The following CHRNA4 variants were observed in gnomAD, a reference collection of about 807,000 sequenced individuals.
The protein encoded by CHRNA4 is cholinergic receptor nicotinic alpha 4 subunit.
In CHRNA4, 28 loss-of-function variants were observed where a neutral mutation model predicts 48.9. The observed-to-expected ratio is 0.57, with a 90% CI of 0.42 to 0.79. The LOEUF (loss-of-function observed/expected upper bound fraction) is 0.79, where lower values mean the gene tolerates loss of function less well. Ranked by LOEUF, CHRNA4 falls within the 30% of genes least tolerant of loss-of-function variation. The pLI, the probability that CHRNA4 is intolerant of heterozygous loss-of-function variation, is 0.00. For synonymous variants in CHRNA4, 425 were observed against 402.3 expected (o/e 1.06, Z -0.68); for missense variants, 859 against 898.4 (o/e 0.96, Z 0.56).
chr20:63,355,779 C>A, intron 4 of CHRNA4, 196 bp downstream of exon 4: 1 of 867,242 alleles, frequency 1.2e-6, no homozygotes, highest in Non-Finnish European at 1.8e-6. Flanking sequence ...GGACCCTTCC[C>A]TCCTCAACCC....
intron 4 of CHRNA4, among the ~76,000 whole-genome samples, chr20:63,351,345 C>T (rs1025453677): frequency 3.3e-5 from 5 of 152,220 alleles, no homozygotes; most frequent in African/African-American, 1.2e-4. Flanking sequence ...CTCACCTACT[C>T]GTGCACCTCA....
At chr20:63,346,976 A>G (rs1363675965) in intron 5 of CHRNA4, 113 bp from the exon 6 acceptor site, 7 of 1,514,362 alleles carry the variant, frequency 4.6e-6, no homozygotes, top group Non-Finnish European at 6.3e-6. Flanking sequence ...CTTCCACCCG[A>G]GGCAGCCATT....
chr20:63,353,453 G>A (rs1225468000), intron 4 of CHRNA4, among the ~76,000 whole-genome samples: 2 of 148,600 alleles, frequency 1.3e-5, no homozygotes, highest in South Asian at 2.2e-4. Flanking sequence ...GGTCCTAGGG[G>A]GCTGTGGTCC....
Position 63,346,510 on chromosome 20 carries a change from C to T in CHRNA4, c.*228G>A. 1.4e-6 allele frequency: 1 copy of T among 707,906 alleles called. No individual in the cohort carries two copies. The highest frequency in any genetic ancestry group is 2.5e-6 in the Non-Finnish European group (1 of 397,992). The allele number at this position is 707,906 out of a possible 1,614,324, so 43.9% of individuals were successfully genotyped here. A position where few individuals can be genotyped will look rare whatever the true frequency, so the allele number is the denominator to read the frequency against. On this transcript the variant is annotated 3_prime_UTR_variant, in exon 6 of 6. Transcript: ENST00000370263. ...CGACCCCCACCTCTGCTCCAAGCCA[C>T]TGCCTCCTGAGGCCACAGTCCAACT...
At position 63,345,405 on chromosome 20, in the gene CHRNA4, G is replaced by T; in HGVS notation, c.*1333C>A. 2.4e-6 allele frequency: 1 copy of T among 410,902 alleles called. No homozygotes were observed. The highest frequency in any genetic ancestry group is 1.7e-5 in the South Asian group (1 of 58,512). 25.5% of individuals were successfully genotyped at this position (410,902 alleles called of 1,614,324 possible). A position where few individuals can be genotyped will look rare whatever the true frequency, so the allele number is the denominator to read the frequency against. ...CTCTGGGCCCTTGGAATCATGGAGG[G>T]GTGGGGCAGCCTGTGCCCATCCCAA... On this transcript the variant is annotated 3_prime_UTR_variant, in exon 6 of 6. Coordinates refer to ENST00000370263, the MANE Select transcript of CHRNA4 (RefSeq NM_000744.7). This position sits in a 1 kb window ranked among gnomAD's most constrained non-coding sequence, Gnocchi z 5.4.
At position 63,345,824 on chromosome 20, in the gene CHRNA4, G is replaced by A. The variant is rs1029192917; in HGVS notation, c.*914C>T. The A allele has an allele frequency of 1.1e-5, 5 of 449,040 alleles. No individual in the cohort carries two copies. The highest frequency in any genetic ancestry group is 6.0e-5 in the African/African-American group (3 of 49,992). The allele number at this position is 449,040 out of a possible 1,614,324, so 27.8% of individuals were successfully genotyped here. A position where few individuals can be genotyped will look rare whatever the true frequency, so the allele number is the denominator to read the frequency against. ...GGTGGAAACCCTCAGGGTCCTGGGG[G>A]AACCAGGGCCCAGGTCTGGACTCCA... On this transcript the variant is annotated 3_prime_UTR_variant, in exon 6 of 6. Coordinates refer to ENST00000370263, the MANE Select transcript of CHRNA4 (RefSeq NM_000744.7). The surrounding 1 kb of genome is among the most constrained non-coding windows in gnomAD (Gnocchi z 5.4).
At chr20:63,358,307 C>T (rs1314129837) in intron 2 of CHRNA4, among the ~76,000 whole-genome samples, 1 of 152,216 alleles carries the variant, frequency 6.6e-6, no homozygotes. Context: ...CTCCCAAAAG[C>T]CCCTGGGGTG....
chr20:63,360,076 G>A (rs1229576802), intron 1 of CHRNA4: 2 of 323,986 alleles, frequency 6.2e-6, no homozygotes, highest in South Asian at 2.8e-5. Flanking sequence ...ACCAGGCGGC[G>A]GATGGGCCGA....
chr20:63,343,250 G>C lies in CHRNA4; in HGVS notation c.*3488C>G, dbSNP rs1299602547. ...GTGACGGTGCGTTTTATTCATTGAA[G>C]TCTGTGCACACACTGGGAGCACATT... On this transcript the variant is annotated 3_prime_UTR_variant, in exon 6 of 6. Transcript: ENST00000370263. 3 of 416,660 alleles carry C rather than the reference G, an allele frequency of 7.2e-6. No individual in the cohort carries two copies. The highest frequency in any genetic ancestry group is 6.1e-5 in the African/African-American group (3 of 48,874). 25.8% of individuals were successfully genotyped at this position (416,660 alleles called of 1,614,324 possible). A position where few individuals can be genotyped will look rare whatever the true frequency, so the allele number is the denominator to read the frequency against.
At chr20:63,359,437 C>T (rs112338002) in intron 2 of CHRNA4, 111 bp downstream of exon 2, 6 of 1,413,058 alleles carry the variant, frequency 4.2e-6, no homozygotes, top group Non-Finnish European at 4.9e-6. Context: ...GGGCCGGACA[C>T]TCACAGCCAC....
chr20:63,348,299 G>T (rs976270997), intron 5 of CHRNA4, among the ~76,000 whole-genome samples: 12 of 152,326 alleles, frequency 7.9e-5, no homozygotes, highest in African/African-American at 2.9e-4. Flanking sequence ...GGCACAGCCC[G>T]GGCACAGCTG....
intron 4 of CHRNA4, among the ~76,000 whole-genome samples, chr20:63,354,177 TGGGGGGCTGTGGTCCTG>T (rs2145397304): frequency 5.7e-5 from 4 of 70,420 alleles, no homozygotes; most frequent in African/African-American, 2.3e-4. Flanking sequence ...CCTGTGGTCC[TGGGGGGCTGTGGTCCTG>T]GGGGGGCTGT....
chr20:63,359,497 C>A, intron 2 of CHRNA4, 51 bp downstream of exon 2: 1 of 1,610,464 alleles, frequency 6.2e-7, no homozygotes, highest in Non-Finnish European at 8.5e-7. Flanking sequence ...CCCCTGTGCT[C>A]CTTGCAGGGC....
intron 1 of CHRNA4, among the ~76,000 whole-genome samples, chr20:63,360,452 G>A (rs1472872017): frequency 6.6e-6 from 1 of 152,166 alleles, no homozygotes; most frequent in African/African-American, 2.4e-5. Context: ...CTCCAGGTCC[G>A]GGGCCCCAGG....
At chr20:63,352,655 T>C (rs2068633154) in intron 4 of CHRNA4, among the ~76,000 whole-genome samples, 1 of 152,148 alleles carries the variant, frequency 6.6e-6, no homozygotes, top group Non-Finnish European at 1.5e-5. Context: ...GAGGCACAAA[T>C]TAAAAGATTC....
At chr20:63,360,702 C>G (rs2068804829) in intron 1 of CHRNA4, among the ~76,000 whole-genome samples, 1 of 152,232 alleles carries the variant, frequency 6.6e-6, no homozygotes. Flanking sequence ...GAGGCCACCC[C>G]TCTGATCCCC....
chr20:63,359,903 G>GTGTGTGTGTATGTGCCGGGCGTGCGC, intron 1 of CHRNA4: 1 of 442,924 alleles, frequency 2.3e-6, no homozygotes, highest in Non-Finnish European at 4.0e-6. Flanking sequence ...TGTGCTGTGT[G>GTGTGTGTGTATGTGCCGGGCGTGCGC]TGTGTGTGTG....
Position 63,350,609 on chromosome 20 carries a change from G to A in CHRNA4, c.802C>T (p.Pro268Ser), listed in dbSNP as rs780729214. 1 of 1,614,070 alleles carries A rather than the reference G, an allele frequency of 6.2e-7. No homozygotes were observed. Among genetic ancestry groups the A allele is most frequent in the Admixed American group, 1.7e-5 (1 of 60,022 alleles). Reference protein sequence around the residue: ...SCLTVLVFYLPSECGEKITLC... With the variant: ...SCLTVLVFYLSSECGEKITLC... ...GTGATCTTCTCGCCACACTCGGAGG[G>A]CAGGTAGAAGACCAGCACGGTGAGG... Residue 268 changes from proline to serine, a missense_variant, in exon 5 of 6, where the codon CCC (proline) becomes TCC (serine). Around this residue, in one of 3 missense-constraint regions of CHRNA4, gnomAD observed 39 missense variants for 77.7 expected, o/e 0.50. Transcript: ENST00000370263.
In CHRNA4 at chr20:63,343,350, G is replaced by C. The variant is rs1189227500; in HGVS notation, c.*3388C>G. On this transcript the variant is annotated 3_prime_UTR_variant, in exon 6 of 6. Transcript: ENST00000370263. ...CTCGGCGGGCCACACGGTCGGCGGG[G>C]CTTGGTCCATGGGGCTGGCCGGGCT... 2.2e-6 allele frequency: 1 copy of C among 453,722 alleles called. No individual in the cohort carries two copies. The highest frequency in any genetic ancestry group is 4.4e-6 in the Non-Finnish European group (1 of 226,474). The allele number at this position is 453,722 out of a possible 1,614,324, so 28.1% of individuals were successfully genotyped here. A position where few individuals can be genotyped will look rare whatever the true frequency, so the allele number is the denominator to read the frequency against.
Sources: allele counts gnomAD v4.1 joint callset (sites outside exome capture counted in the v4.1 genomes callset), GRCh38; gene constraint gnomAD v4.1.1; regional missense constraint gnomAD v4.1.1; non-coding constraint Gnocchi (gnomAD v3.1); transcripts MANE v1.5; gene names NCBI Gene and HGNC (gene_info 2026-07-23, HGNC 2026-07-21).